The following PPM1E variants were observed in gnomAD, a reference collection of about 807,000 sequenced individuals.
PPM1E encodes protein phosphatase 1E.
A neutral mutation model predicts 65.9 loss-of-function variants in PPM1E; 20 were observed. That is an observed-to-expected ratio of 0.30 (90% CI 0.21 to 0.44). The LOEUF (loss-of-function observed/expected upper bound fraction) is 0.44. PPM1E is among the 20% of genes least tolerant of loss of function. The pLI, the probability that PPM1E is intolerant of heterozygous loss-of-function variation, is 1.00. For missense variants in PPM1E, 713 were observed against 953.1 expected (o/e 0.75, Z 3.32); for synonymous variants, 352 against 374.9 (o/e 0.94, Z 0.70).
intron 1 of PPM1E, among the ~76,000 whole-genome samples, chr17:58,911,552 C>G (rs945505028): frequency 1.3e-5 from 2 of 152,092 alleles, no homozygotes; most frequent in African/African-American, 4.8e-5. Flanking sequence ...AAAAGTATCT[C>G]TACTGGTTAA....
intron 1 of PPM1E, among the ~76,000 whole-genome samples, chr17:58,874,282 T>C (rs997843634): frequency 8.5e-5 from 13 of 152,194 alleles, no homozygotes; most frequent in African/African-American, 3.1e-4. Context: ...GGGTGATTGC[T>C]GCCAAGATTG....
chr17:58,918,805 CAAAAAAAAAA>C (rs71143301), intron 1 of PPM1E, among the ~76,000 whole-genome samples: 2 of 75,810 alleles, frequency 2.6e-5, no homozygotes, highest in Admixed American at 4.3e-4. Flanking sequence ...GACTCCGTCT[CAAAAAAAAAA>C]AAAAAAAAAA....
intron 1 of PPM1E, among the ~76,000 whole-genome samples, chr17:58,841,521 CTTTTTT>C (rs34826804): frequency 1.0e-5 from 1 of 99,024 alleles, no homozygotes; most frequent in Admixed American, 1.0e-4. Flanking sequence ...AAAACAAATA[CTTTTTT>C]TTTTTTTTTT....
At chr17:58,757,476 A>G (rs2049780519) in intron 1 of PPM1E, among the ~76,000 whole-genome samples, 1 of 152,246 alleles carries the variant, frequency 6.6e-6, no homozygotes, top group African/African-American at 2.4e-5. Flanking sequence ...CTCTGAAAAC[A>G]TTGGTAAACC....
At chr17:58,945,155 T>G (rs1307510439) in intron 1 of PPM1E, among the ~76,000 whole-genome samples, 8 of 151,928 alleles carry the variant, frequency 5.3e-5, no homozygotes, top group Non-Finnish European at 1.0e-4. Flanking sequence ...TCTTTTTTTT[T>G]TTTTTTCGAG....
At chr17:58,818,596 AC>A (rs1411651819) in intron 1 of PPM1E, among the ~76,000 whole-genome samples, 1 of 152,072 alleles carries the variant, frequency 6.6e-6, no homozygotes, top group Non-Finnish European at 1.5e-5. Flanking sequence ...TTTGATATAG[AC>A]CCCAAGTTCA....
intron 3 of PPM1E, chr17:58,966,186 CT>C: frequency 2.3e-6 from 1 of 434,128 alleles, no homozygotes; most frequent in Non-Finnish European, 4.3e-6. Flanking sequence ...TTTGTGTCAC[CT>C]TCCAGAGCTA....
intron 1 of PPM1E, among the ~76,000 whole-genome samples, chr17:58,904,534 T>C (rs994811782): frequency 1.3e-5 from 2 of 152,208 alleles, no homozygotes; most frequent in African/African-American, 2.4e-5. Context: ...CTAGAAGATA[T>C]CTGCAAAATA....
intron 1 of PPM1E, among the ~76,000 whole-genome samples, chr17:58,879,998 G>T (rs2051175907): frequency 6.6e-6 from 1 of 152,102 alleles, no homozygotes; most frequent in African/African-American, 2.4e-5. Context: ...ATTTCACACG[G>T]CATGGGAGCC....
chr17:58,864,897 C>T (rs1251603335), intron 1 of PPM1E, among the ~76,000 whole-genome samples: 1 of 151,732 alleles, frequency 6.6e-6, no homozygotes, highest in Non-Finnish European at 1.5e-5. Context: ...GACTGTACCA[C>T]TGCACTCCAG....
At chr17:58,899,695 C>A in intron 1 of PPM1E, 1 of 201,476 alleles carries the variant, frequency 5.0e-6, no homozygotes, top group South Asian at 9.6e-5. Flanking sequence ...AGAAATGAAC[C>A]AATAAAACTA....
rs1411571720 is a variant in PPM1E, at chr17:58,984,999, T to A, written c.*3968T>A. 1 of 152,666 alleles carries A rather than the reference T, an allele frequency of 6.6e-6. No homozygotes were observed. Among genetic ancestry groups the A allele is most frequent in the East Asian group, 1.9e-4 (1 of 5,202 alleles). 9.5% of individuals were successfully genotyped at this position (152,666 alleles called of 1,614,324 possible). A position where few individuals can be genotyped will look rare whatever the true frequency, so the allele number is the denominator to read the frequency against. On this transcript the variant is annotated 3_prime_UTR_variant, in exon 7 of 7. Transcript: ENST00000308249. ...AGAATTCTCTATGGAGTGAAGCGAA[T>A]GAAGTGAATAATTTCTTACCAAATA... is the stretch of plus-strand genomic sequence containing the variant.
intron 1 of PPM1E, among the ~76,000 whole-genome samples, chr17:58,832,915 C>A (rs762348103): frequency 2.6e-5 from 4 of 152,010 alleles, no homozygotes; most frequent in Non-Finnish European, 4.4e-5. Flanking sequence ...TGGGAACAAG[C>A]GATTCTCCTT....
At chr17:58,892,661 C>T (rs2143437408) in intron 1 of PPM1E, among the ~76,000 whole-genome samples, 1 of 152,212 alleles carries the variant, frequency 6.6e-6, no homozygotes, top group South Asian at 2.1e-4. Flanking sequence ...AGAAGGCAAG[C>T]TACAGACTGG....
Position 58,981,691 on chromosome 17 carries a change from A to G in PPM1E, c.*660A>G, listed in dbSNP as rs1030160173. 1 of 152,634 alleles carries G rather than the reference A, an allele frequency of 6.6e-6. No individual in the cohort carries two copies. The highest frequency in any genetic ancestry group is 2.4e-5 in the African/African-American group (1 of 41,454). The allele number at this position is 152,634 out of a possible 1,614,324, so 9.5% of individuals were successfully genotyped here. ...CATAAAAGATTGTGAACTTTTTTTA[A>G]TTAAAAAATATTTCCTAGGGCTGTA... On this transcript the variant is annotated 3_prime_UTR_variant, in exon 7 of 7. Coordinates refer to ENST00000308249, the MANE Select transcript of PPM1E (RefSeq NM_014906.5).
At chr17:58,921,900 T>C in intron 1 of PPM1E, among the ~76,000 whole-genome samples, 1 of 151,388 alleles carries the variant, frequency 6.6e-6, no homozygotes, top group Non-Finnish European at 1.5e-5. Flanking sequence ...ATTAGCCGGG[T>C]GTGGTGGCAC....
chr17:58,793,294 TATA>T (rs2050174072), intron 1 of PPM1E, among the ~76,000 whole-genome samples: 1 of 152,120 alleles, frequency 6.6e-6, no homozygotes, highest in African/African-American at 2.4e-5. Flanking sequence ...TACTACTACA[TATA>T]ATACACTAAC....
In PPM1E at chr17:58,935,122, G is replaced by A. The variant is rs1464978368; in HGVS notation, c.465-20527G>A. Among the ~76,000 whole-genome samples the A allele has an allele frequency of 2.0e-5, 3 of 150,576 alleles. No individual in the cohort carries two copies. The South Asian group carries it at 6.3e-4, about 32-fold the overall frequency. ...AAAAATTAGCTGGGCGCAGTGGCGGGTGCCTGTAATCCCAGCTACTCAGGA... is the reference window on the plus strand; with the variant it reads ...AAAAATTAGCTGGGCGCAGTGGCGGATGCCTGTAATCCCAGCTACTCAGGA... On this transcript the variant is annotated intron_variant, in intron 1 of 6. Transcript: ENST00000308249.
At chr17:58,872,079 C>A (rs2051077268) in intron 1 of PPM1E, among the ~76,000 whole-genome samples, 1 of 152,142 alleles carries the variant, frequency 6.6e-6, no homozygotes, top group African/African-American at 2.4e-5. Flanking sequence ...AGGCAGATCA[C>A]CTGAGGTCAG....
Sources: allele counts gnomAD v4.1 joint callset (sites outside exome capture counted in the v4.1 genomes callset), GRCh38; gene constraint gnomAD v4.1.1; transcripts MANE v1.5; gene names NCBI Gene and HGNC (gene_info 2026-07-23, HGNC 2026-07-21).